DNASE1L3: variants seen among roughly 807,000 people sequenced by gnomAD.
DNASE1L3 encodes deoxyribonuclease gamma.
Under a neutral mutation model 30.9 loss-of-function variants are expected in DNASE1L3, and 27 were observed. The ratio of observed to expected loss-of-function variants is 0.87; its 90% confidence interval spans 0.64 to 1.20. The LOEUF (loss-of-function observed/expected upper bound fraction) is 1.20. Ranked by LOEUF, DNASE1L3 falls within the 50% of genes most tolerant of loss-of-function variation. The pLI, the probability that DNASE1L3 is intolerant of heterozygous loss-of-function variation, is 0.00. For missense variants in DNASE1L3, 364 were observed against 378.2 expected (o/e 0.96, Z 0.31); for synonymous variants, 135 against 138.0 (o/e 0.98, Z 0.15).
intron 6 of DNASE1L3, among the ~76,000 whole-genome samples, chr3:58,195,700 C>T (rs1311221651): frequency 6.9e-6 from 1 of 144,858 alleles, no homozygotes; most frequent in Non-Finnish European, 1.5e-5. Context: ...GCAGGAAAAT[C>T]GCTTGAACCC....
chr3:58,204,199 G>C (rs2097402467), intron 4 of DNASE1L3, among the ~76,000 whole-genome samples: 3 of 150,794 alleles, frequency 2.0e-5, no homozygotes, highest in South Asian at 4.2e-4. Context: ...GGAGTGCAGT[G>C]GTACGATCTC....
intron 1 of DNASE1L3, 42 bp downstream of exon 1, chr3:58,210,724 G>A (rs1174500305): frequency 5.6e-6 from 9 of 1,613,392 alleles, no homozygotes; most frequent in Admixed American, 1.7e-5. Flanking sequence ...GAGAGAGGGT[G>A]TGAGGGGTGT....
intron 1 of DNASE1L3, among the ~76,000 whole-genome samples, 167 bp downstream of exon 1, chr3:58,210,599 T>A (rs985447402): frequency 2.0e-5 from 3 of 152,210 alleles, no homozygotes; most frequent in South Asian, 2.1e-4. Flanking sequence ...ACCCCTGTTT[T>A]AAGATGACGG....
intron 4 of DNASE1L3, among the ~76,000 whole-genome samples, chr3:58,202,961 A>C (rs2097401741): frequency 6.6e-6 from 1 of 152,198 alleles, no homozygotes; most frequent in Non-Finnish European, 1.5e-5. Flanking sequence ...ACTTTTGTGA[A>C]GTGTCTGAAA....
intron 6 of DNASE1L3, among the ~76,000 whole-genome samples, chr3:58,194,351 T>A (rs2097395920): frequency 7.5e-6 from 1 of 132,526 alleles, no homozygotes; most frequent in African/African-American, 2.9e-5. Flanking sequence ...GACACAGTCA[T>A]GCTCTGTCAC....
chr3:58,193,610 CTG>C (rs1359071131), intron 6 of DNASE1L3, among the ~76,000 whole-genome samples, 171 bp from the exon 7 acceptor site: 1 of 152,202 alleles, frequency 6.6e-6, no homozygotes, highest in African/African-American at 2.4e-5. Flanking sequence ...GTGCCTACAA[CTG>C]TGAAATAGGA....
In DNASE1L3 at chr3:58,197,967, G is replaced by A. The variant is rs754172737; in HGVS notation, c.558C>T (p.Phe186=). 3 of 1,610,304 alleles carry A rather than the reference G, an allele frequency of 1.9e-6. No individual in the cohort carries two copies. The South Asian group carries it at 3.3e-5, about 18-fold the overall frequency. Residue 186 remains phenylalanine, a synonymous_variant, in exon 6 of 8, where the codon TTC becomes TTT. Transcript: ENST00000394549. The surrounding 1 kb of genome is among the most constrained non-coding windows in gnomAD (Gnocchi z 5.3). ...TGCAGCCGGCATTGAAGTCACCCATGAAAATGAAATTCTAAAAGACAAGAT... is the reference window on the plus strand; with the variant it reads ...TGCAGCCGGCATTGAAGTCACCCATAAAAATGAAATTCTAAAAGACAAGAT... ...KHRWKAENFI[F]MGDFNAGCSY... is the part of the protein sequence containing the mutation.
chr3:58,210,244 A>G (rs1454410022), intron 1 of DNASE1L3, among the ~76,000 whole-genome samples: 3 of 101,902 alleles, frequency 2.9e-5, no homozygotes, highest in African/African-American at 1.1e-4. Flanking sequence ...GGAAGAAAGA[A>G]AAAGAAAGAA....
At chr3:58,202,407 C>T (rs773899532) in intron 4 of DNASE1L3, among the ~76,000 whole-genome samples, 16 of 149,274 alleles carry the variant, frequency 1.1e-4, no homozygotes, top group Non-Finnish European at 1.9e-4. Flanking sequence ...AGGTGATCCA[C>T]CCATCTCAGC....
chr3:58,202,149 CTTT>C (rs771675575), intron 4 of DNASE1L3, among the ~76,000 whole-genome samples: 2 of 138,544 alleles, frequency 1.4e-5, no homozygotes, highest in Admixed American at 7.2e-5. Flanking sequence ...TAAAGGTTTC[CTTT>C]TTTTTTTTTT....
In DNASE1L3 at chr3:58,193,333, G is replaced by A. The variant is rs563541630; in HGVS notation, c.801+10C>T. 1.2e-6 allele frequency: 2 copies of A among 1,613,550 alleles called. No individual in the cohort carries two copies. Among genetic ancestry groups the A allele is most frequent in the African/African-American group, 1.3e-5 (1 of 75,002 alleles). ...GACAATGGCATAGAAAGACAAGATGGCAACCTTACCTCCTCTTCAGTCAGC... is the reference window on the plus strand; with the variant it reads ...GACAATGGCATAGAAAGACAAGATGACAACCTTACCTCCTCTTCAGTCAGC... On this transcript the variant is annotated intron_variant, in intron 7 of 7. Coordinates refer to ENST00000394549, the MANE Select transcript of DNASE1L3 (RefSeq NM_004944.4).
chr3:58,196,547 TG>T (rs2097397528), intron 6 of DNASE1L3, among the ~76,000 whole-genome samples: 1 of 112,050 alleles, frequency 8.9e-6, no homozygotes, highest in African/African-American at 3.6e-5. Flanking sequence ...AGCGAGACTC[TG>T]TCTAAAAAAA....
chr3:58,193,028 C>T lies in DNASE1L3; in HGVS notation c.802-225G>A, dbSNP rs866651805. ...GCATTGAGGGTCAAGGTCTAGTGCC[C>T]AATGTTGTGTCTTCAGTGGTGACCT... On this transcript the variant is annotated intron_variant, in intron 7 of 7. Coordinates refer to ENST00000394549, the MANE Select transcript of DNASE1L3 (RefSeq NM_004944.4). The T allele has an allele frequency of 2.4e-5, 35 of 1,428,916 alleles. 1 individual carries two copies. The Middle Eastern group carries it at 1.3e-3, about 53-fold the overall frequency. 88.5% of individuals were successfully genotyped at this position (1,428,916 alleles called of 1,614,324 possible).
chr3:58,194,476 C>T (rs1370270133), intron 6 of DNASE1L3, among the ~76,000 whole-genome samples: 5 of 151,742 alleles, frequency 3.3e-5, no homozygotes, highest in East Asian at 1.9e-4. Flanking sequence ...TGTGCCACCA[C>T]GCCTGGCTAA....
In DNASE1L3 at chr3:58,208,223, C is replaced by T. The variant is rs1298061186; in HGVS notation, c.225G>A (p.Leu75=). The T allele has an allele frequency of 1.2e-6, 2 of 1,614,030 alleles. No individual in the cohort carries two copies. Among genetic ancestry groups the T allele is most frequent in the East Asian group, 2.2e-5 (1 of 44,892 alleles). Reference sequence around the variant, plus strand: ...CCCACCCTTCCCCATGTTACCTGTTCAGCTTCTCCATCAGTATGGGGCAGA... The same window carrying T: ...CCCACCCTTCCCCATGTTACCTGTTTAGCTTCTCCATCAGTATGGGGCAGA... ...NRICPILMEK[L]NRNSRRGITY... Residue 75 remains leucine (L), a synonymous_variant, in exon 2 of 8, where the codon CTG becomes CTA. Coordinates refer to ENST00000394549, the MANE Select transcript of DNASE1L3 (RefSeq NM_004944.4).
chr3:58,204,982 A>AG, intron 3 of DNASE1L3, 101 bp from the exon 4 acceptor site: 1 of 1,023,508 alleles, frequency 9.8e-7, no homozygotes, highest in South Asian at 1.5e-5. Context: ...CAGAAGCCAG[A>AG]GCAGGCTCAA....
intron 6 of DNASE1L3, among the ~76,000 whole-genome samples, chr3:58,193,853 G>A (rs1263795280): frequency 3.3e-5 from 5 of 152,286 alleles, no homozygotes; most frequent in Non-Finnish European, 5.9e-5. Context: ...CCTCAGTCCC[G>A]TGTTGACAGA....
chr3:58,202,125 T>G (rs896261697), intron 4 of DNASE1L3, among the ~76,000 whole-genome samples: 1 of 151,776 alleles, frequency 6.6e-6, no homozygotes, highest in Non-Finnish European at 1.5e-5. Flanking sequence ...ATGGTTGTAT[T>G]TTCTTCTTTT....
chr3:58,196,747 G>C (rs544649054), intron 6 of DNASE1L3, among the ~76,000 whole-genome samples: 1 of 152,038 alleles, frequency 6.6e-6, no homozygotes, highest in Non-Finnish European at 1.5e-5. Context: ...ACATTCACAC[G>C]CCTCAGGCAC....
Sources: allele counts gnomAD v4.1 joint callset (sites outside exome capture counted in the v4.1 genomes callset), GRCh38; gene constraint gnomAD v4.1.1; non-coding constraint Gnocchi (gnomAD v3.1); transcripts MANE v1.5; gene names NCBI Gene and HGNC (gene_info 2026-07-23, HGNC 2026-07-21).